HS3ST4: variants seen among roughly 807,000 people sequenced by gnomAD.
HS3ST4 encodes the protein heparan sulfate-glucosamine 3-sulfotransferase 4, also known as heparan sulfate glucosamine 3-O-sulfotransferase 4.
HS3ST4 carries 17 observed loss-of-function variants against 29.2 expected under a neutral mutation model. The observed-to-expected ratio is 0.58, with a 90% CI of 0.40 to 0.87. The LOEUF is 0.87. HS3ST4 is among the 40% of genes least tolerant of loss of function. The pLI, the probability that HS3ST4 is intolerant of heterozygous loss-of-function variation, is 0.00. For missense variants in HS3ST4, 627 were observed against 634.5 expected, an observed-to-expected ratio of 0.99 and a Z score of 0.13; for synonymous variants, 314 against 285.7, an observed-to-expected ratio of 1.10 and a Z score of -1.00.
chr16:26,012,268 G>C (rs1395748022), intron 1 of HS3ST4, among the ~76,000 whole-genome samples: 1 of 152,098 alleles, frequency 6.6e-6, no homozygotes, highest in Non-Finnish European at 1.5e-5. Flanking sequence ...AAGTGTATCA[G>C]CTTGAGGATC....
At chr16:25,785,254 A>G (rs1966856352) in intron 1 of HS3ST4, among the ~76,000 whole-genome samples, 1 of 152,268 alleles carries the variant, frequency 6.6e-6, no homozygotes, top group South Asian at 2.1e-4. Context: ...GTGTTAACAC[A>G]ATATCCCTTT....
At chr16:25,980,053 G>A (rs1968988504) in intron 1 of HS3ST4, among the ~76,000 whole-genome samples, 1 of 152,068 alleles carries the variant, frequency 6.6e-6, no homozygotes, top group African/African-American at 2.4e-5. Context: ...TCCTGCCTCT[G>A]GTCATGTCCT....
chr16:25,979,140 G>A (rs543305920), intron 1 of HS3ST4, among the ~76,000 whole-genome samples: 1 of 151,966 alleles, frequency 6.6e-6, no homozygotes, highest in Non-Finnish European at 1.5e-5. Context: ...CAGGTGATCC[G>A]CCTGCCTCGG....
intron 1 of HS3ST4, among the ~76,000 whole-genome samples, chr16:26,108,243 A>G (rs1313908560): frequency 6.6e-6 from 1 of 152,040 alleles, no homozygotes; most frequent in Admixed American, 6.6e-5. Context: ...CCATCTGTAC[A>G]TCTTCTTTTG....
intron 1 of HS3ST4, among the ~76,000 whole-genome samples, chr16:26,122,898 A>G (rs1370100188): frequency 6.6e-6 from 1 of 152,084 alleles, no homozygotes; most frequent in Non-Finnish European, 1.5e-5. Flanking sequence ...TACAAAAAAT[A>G]CAAAAATCAG....
At chr16:26,068,021 T>C (rs1437609937) in intron 1 of HS3ST4, among the ~76,000 whole-genome samples, 1 of 152,202 alleles carries the variant, frequency 6.6e-6, no homozygotes, top group Non-Finnish European at 1.5e-5. Context: ...GGTTATGTCT[T>C]TATTAACAGC....
At chr16:26,063,885 C>T (rs948063619) in intron 1 of HS3ST4, among the ~76,000 whole-genome samples, 3 of 152,092 alleles carry the variant, frequency 2.0e-5, no homozygotes, top group East Asian at 1.9e-4. Flanking sequence ...GCCACAAAGC[C>T]GTGGGTAACT....
chr16:25,959,069 T>C (rs2141700888), intron 1 of HS3ST4, among the ~76,000 whole-genome samples: 2 of 152,348 alleles, frequency 1.3e-5, no homozygotes, highest in African/African-American at 4.8e-5. Context: ...GGAGTGAATC[T>C]CAAATTCATC....
At chr16:26,040,014 G>A (rs1410031608) in intron 1 of HS3ST4, among the ~76,000 whole-genome samples, 2 of 152,130 alleles carry the variant, frequency 1.3e-5, no homozygotes, top group Non-Finnish European at 2.9e-5. Context: ...GGAAATGGAG[G>A]ATCTGAAAAG....
At chr16:26,098,870 A>G (rs1490547971) in intron 1 of HS3ST4, among the ~76,000 whole-genome samples, 3 of 152,026 alleles carry the variant, frequency 2.0e-5, no homozygotes, top group Non-Finnish European at 2.9e-5. Flanking sequence ...ATACCTAACT[A>G]TTGAGAATGA....
chr16:25,826,175 C>G (rs1027636352), intron 1 of HS3ST4: 23 of 152,220 alleles, frequency 1.5e-4, no homozygotes, highest in Non-Finnish European at 2.9e-5. Context: ...CCCTGCTGGC[C>G]ACGTGCATCT....
intron 1 of HS3ST4, among the ~76,000 whole-genome samples, chr16:25,951,465 A>T (rs1261588484): frequency 6.6e-6 from 1 of 152,208 alleles, no homozygotes; most frequent in Non-Finnish European, 1.5e-5. Context: ...CTTGATGAGG[A>T]TACAAGATAA....
chr16:25,755,021 C>G (rs1341787093), intron 1 of HS3ST4, among the ~76,000 whole-genome samples: 2 of 151,936 alleles, frequency 1.3e-5, no homozygotes, highest in African/African-American at 4.8e-5. Flanking sequence ...TCCATCTGTC[C>G]ATCCATCTGC....
chr16:25,834,861 C>A (rs112588038), intron 1 of HS3ST4, among the ~76,000 whole-genome samples: 7 of 152,048 alleles, frequency 4.6e-5, no homozygotes, highest in Non-Finnish European at 1.0e-4. Context: ...GCACAAGAAT[C>A]GCTTGAACCT....
intron 1 of HS3ST4, among the ~76,000 whole-genome samples, chr16:25,997,141 G>A (rs1402639702): frequency 6.6e-6 from 1 of 152,068 alleles, no homozygotes; most frequent in Admixed American, 6.6e-5. Context: ...GTACTTTCTA[G>A]ATTTACAATA....
At chr16:25,901,939 G>A (rs1296015853) in intron 1 of HS3ST4, among the ~76,000 whole-genome samples, 1 of 152,234 alleles carries the variant, frequency 6.6e-6, no homozygotes, top group East Asian at 1.9e-4. Context: ...GGAAACACAA[G>A]TGTAATAACA....
At chr16:25,791,603 A>T (rs1285354422) in intron 1 of HS3ST4, among the ~76,000 whole-genome samples, 1 of 151,990 alleles carries the variant, frequency 6.6e-6, no homozygotes, top group Non-Finnish European at 1.5e-5. Context: ...TATTTTGTAG[A>T]CTTTTGTATA....
intron 1 of HS3ST4, among the ~76,000 whole-genome samples, chr16:25,790,991 C>A (rs1306543401): frequency 6.6e-6 from 1 of 151,976 alleles, no homozygotes; most frequent in Admixed American, 6.6e-5. Context: ...TGAAAATATT[C>A]TCCTTTTTCT....
chr16:25,974,864 A>T (rs2141708187), intron 1 of HS3ST4, among the ~76,000 whole-genome samples: 1 of 152,296 alleles, frequency 6.6e-6, no homozygotes, highest in South Asian at 2.1e-4. Flanking sequence ...AAATTACAGA[A>T]TGACATGAAA....
Sources: gnomAD v4.1 joint callset for allele counts (sites outside exome capture counted in the v4.1 genomes callset) on GRCh38, gnomAD v4.1.1 for gene constraint, MANE v1.5 for transcripts, NCBI Gene and HGNC (gene_info 2026-07-23, HGNC 2026-07-21) for gene names.